Variants in CERS4 observed in about 807,000 individuals in gnomAD.
The protein encoded by CERS4 is LAG1 homolog, ceramide synthase 4.
In CERS4, 65 loss-of-function variants were observed where a neutral mutation model predicts 51.8. The ratio of observed to expected loss-of-function variants is 1.26; its 90% CI spans 1.03 to 1.54. The LOEUF is 1.54. Ranked by LOEUF, CERS4 falls within the 40% of genes most tolerant of loss-of-function variation. CERS4 has a pLI of 0.00. For synonymous variants in CERS4, 228 were observed against 208.4 expected (o/e 1.09, Z -0.81); for missense variants, 563 against 500.4 (o/e 1.13, Z -1.19).
intron 2 of CERS4, among the ~76,000 whole-genome samples, chr19:8,246,470 A>G (rs1247094140): frequency 6.6e-6 from 1 of 151,560 alleles, no homozygotes; most frequent in African/African-American, 2.4e-5. Context: ...ACATGAAAAG[A>G]CCACCCGAGC....
At position 8,257,042 on chromosome 19, in the gene CERS4, C is replaced by G. The variant is rs1198768419; in HGVS notation, c.706C>G (p.Leu236Val). 1 of 1,611,814 alleles carries G rather than the reference C, an allele frequency of 6.2e-7. No individual in the cohort carries two copies. The highest frequency in any genetic ancestry group is 1.3e-5 in the African/African-American group (1 of 74,916). The change falls in exon 9 of 12, where the codon CTG becomes GTG. Residue 236 changes from leucine to valine, a missense_variant. By Grantham distance (32) the Leu-to-Val change is conservative. Transcript: ENST00000251363. ...CCTGCTGCGCATTGGCTCTCTGGTG[C>G]TGCTGTTACACGATTCCTCTGACTA... ...ANLLRIGSLV[L>V]LLHDSSDYLL...
chr19:8,232,938 A>G lies in CERS4; in HGVS notation c.-1-18138A>G, dbSNP rs577791373. ...TTTGAAGTGGAGGTGAGGTTTCACTATGTTGTCCAGGCTGGTCTTAAACTC... is the reference window on the plus strand; with the variant it reads ...TTTGAAGTGGAGGTGAGGTTTCACTGTGTTGTCCAGGCTGGTCTTAAACTC... On this transcript the variant is annotated intron_variant, in intron 2 of 11. Coordinates refer to ENST00000251363, the MANE Select transcript of CERS4 (RefSeq NM_024552.3). Among the ~76,000 whole-genome samples the G allele has an allele frequency of 5.2e-5, 6 of 116,078 alleles. No individual in the cohort carries two copies. The East Asian group carries it at 1.5e-3, about 29-fold the overall frequency. 76.2% of individuals were successfully genotyped at this position (116,078 alleles called of 152,430 possible). A position where few individuals can be genotyped will look rare whatever the true frequency, so the allele number is the denominator to read the frequency against.
At chr19:8,236,240 C>T (rs1968247115) in intron 2 of CERS4, among the ~76,000 whole-genome samples, 1 of 152,110 alleles carries the variant, frequency 6.6e-6, no homozygotes, top group Admixed American at 6.6e-5. Flanking sequence ...TTTTACATGT[C>T]CTATTTCATG....
intron 2 of CERS4, among the ~76,000 whole-genome samples, chr19:8,230,954 C>T (rs1967981665): frequency 6.6e-6 from 1 of 152,156 alleles, no homozygotes; most frequent in South Asian, 2.1e-4. Flanking sequence ...ATCCTCTTGC[C>T]TCAGCCCCCC....
chr19:8,252,795 G>C (rs1859345038), intron 3 of CERS4, among the ~76,000 whole-genome samples: 1 of 152,074 alleles, frequency 6.6e-6, no homozygotes, highest in Non-Finnish European at 1.5e-5. Context: ...GGTTGGTCTT[G>C]AACTCCTGAG....
chr19:8,213,931 A>G (rs982511736), intron 2 of CERS4, among the ~76,000 whole-genome samples: 6 of 152,148 alleles, frequency 3.9e-5, no homozygotes, highest in African/African-American at 1.4e-4. Context: ...GCACTACTGC[A>G]CTACTGCACT....
At chr19:8,256,499 G>A (rs574414841) in intron 7 of CERS4, 119 bp from the exon 8 acceptor site, 3 of 1,059,650 alleles carry the variant, frequency 2.8e-6, no homozygotes, top group East Asian at 2.5e-5. Flanking sequence ...GGGATGGGGA[G>A]CTCACTCATT....
chr19:8,249,231 GGACAGATGTTTGGATGGGTGGATA>G (rs1173802160), intron 2 of CERS4, among the ~76,000 whole-genome samples: 2 of 152,086 alleles, frequency 1.3e-5, no homozygotes, highest in African/African-American at 4.8e-5. Flanking sequence ...ATGGGTGGGT[GGACAGATGTTTGGATGGGTGGATA>G]GAGGGATGGA....
chr19:8,254,980 A>T (rs1371873161), intron 4 of CERS4, among the ~76,000 whole-genome samples: 4 of 151,934 alleles, frequency 2.6e-5, no homozygotes, highest in Non-Finnish European at 5.9e-5. Context: ...GGAGAGTGAG[A>T]GTAGTTGCTT....
chr19:8,262,299 T>A lies in CERS4; in HGVS notation c.*190T>A. The A allele has an allele frequency of 1.9e-6, 1 of 514,562 alleles. No individual in the cohort carries two copies. Among genetic ancestry groups the A allele is most frequent in the Non-Finnish European group, 3.1e-6 (1 of 320,116 alleles). 31.9% of individuals were successfully genotyped at this position (514,562 alleles called of 1,614,324 possible). A position where few individuals can be genotyped will look rare whatever the true frequency, so the allele number is the denominator to read the frequency against. On this transcript the variant is annotated 3_prime_UTR_variant, in exon 12 of 12. Coordinates refer to ENST00000251363, the MANE Select transcript of CERS4 (RefSeq NM_024552.3). Reference sequence around the variant, plus strand: ...CCCACCCTTCTTCCCTCTGGGCAACTGGACAGATCTGGGAGCCAGCAGCTG... The same window carrying A: ...CCCACCCTTCTTCCCTCTGGGCAACAGGACAGATCTGGGAGCCAGCAGCTG...
chr19:8,213,099 G>T (rs928559172), intron 2 of CERS4, among the ~76,000 whole-genome samples: 2 of 151,724 alleles, frequency 1.3e-5, no homozygotes, highest in African/African-American at 4.8e-5. Context: ...GGGTGCAGTG[G>T]TGCGATCTTC....
intron 2 of CERS4, among the ~76,000 whole-genome samples, chr19:8,232,436 A>T (rs1300865318): frequency 6.6e-6 from 1 of 151,942 alleles, no homozygotes; most frequent in African/African-American, 2.4e-5. Flanking sequence ...GATTACAGGC[A>T]CGTGCCACCA....
At chr19:8,254,662 T>G (rs1246238151) in intron 4 of CERS4, 46 bp downstream of exon 4, 6 of 1,522,152 alleles carry the variant, frequency 3.9e-6, no homozygotes, top group Non-Finnish European at 5.4e-6. Flanking sequence ...GCCCTGGGGG[T>G]GGGGCGTGGG....
chr19:8,253,471 T>G (rs866182507), intron 3 of CERS4, among the ~76,000 whole-genome samples: 53 of 137,074 alleles, frequency 3.9e-4, no homozygotes, highest in South Asian at 9.4e-4. Flanking sequence ...TTTTTTTTTT[T>G]GGGGAGACAG....
chr19:8,252,195 C>A (rs574687440), intron 3 of CERS4, among the ~76,000 whole-genome samples: 1 of 151,978 alleles, frequency 6.6e-6, no homozygotes, highest in African/African-American at 2.4e-5. Context: ...GTGGTGAAAC[C>A]CTGTCTCTAC....
chr19:8,236,722 C>A (rs1337310193), intron 2 of CERS4, among the ~76,000 whole-genome samples: 1 of 148,818 alleles, frequency 6.7e-6, no homozygotes, highest in African/African-American at 2.5e-5. Context: ...AAAAACAGGG[C>A]TGGGCGTGGT....
chr19:8,235,305 C>T (rs1337105350), intron 2 of CERS4, among the ~76,000 whole-genome samples: 1 of 144,012 alleles, frequency 6.9e-6, no homozygotes, highest in Non-Finnish European at 1.5e-5. Context: ...CCGCACCTGG[C>T]ATAATAGGGA....
chr19:8,255,900 C>T (rs1272928111), intron 6 of CERS4, 21 bp downstream of exon 6: 1 of 1,612,828 alleles, frequency 6.2e-7, no homozygotes, highest in South Asian at 1.1e-5. Context: ...CAGAGTATAG[C>T]TGACTGCTCA....
At position 8,262,192 on chromosome 19, in the gene CERS4, C is replaced by T. The variant is rs1289637780; in HGVS notation, c.*83C>T. On this transcript the variant is annotated 3_prime_UTR_variant, in exon 12 of 12. Transcript: ENST00000251363. Reference sequence around the variant, plus strand: ...GGTGACTGGACTGGCGCCCCTGGGCCACCTTTCTGGAGACAGGGAGGGCCC... The same window carrying T: ...GGTGACTGGACTGGCGCCCCTGGGCTACCTTTCTGGAGACAGGGAGGGCCC... The T allele has an allele frequency of 7.4e-7, 1 of 1,359,492 alleles. No homozygotes were observed. The highest frequency in any genetic ancestry group is 9.5e-7 in the Non-Finnish European group (1 of 1,055,748). The allele number at this position is 1,359,492 out of a possible 1,614,324, so 84.2% of individuals were successfully genotyped here. A position where few individuals can be genotyped will look rare whatever the true frequency, so the allele number is the denominator to read the frequency against.
Sources: allele counts gnomAD v4.1 joint callset (sites outside exome capture counted in the v4.1 genomes callset), GRCh38; gene constraint gnomAD v4.1.1; transcripts MANE v1.5; gene names NCBI Gene and HGNC (gene_info 2026-07-23, HGNC 2026-07-21).